The following CPS1 variants were observed in gnomAD, a reference collection of about 807,000 sequenced individuals.
CPS1 encodes carbamoyl-phosphate synthase [ammonia], mitochondrial.
Under a neutral mutation model 174.6 loss-of-function variants are expected in CPS1, and 109 were observed. The ratio of observed to expected loss-of-function variants is 0.62; its 90% CI spans 0.53 to 0.73. CPS1 has a LOEUF of 0.73. CPS1 is among the 30% of genes least tolerant of loss of function. The pLI is 0.00. For synonymous variants in CPS1, 637 were observed against 632.0 expected, an observed-to-expected ratio of 1.01 and a Z score of -0.12; for missense variants, 1,689 against 1,821.9, an observed-to-expected ratio of 0.93 and a Z score of 1.33.
intron 9 of CPS1, among the ~76,000 whole-genome samples, chr2:210,591,291 T>C (rs1431046363): frequency 6.6e-6 from 1 of 151,996 alleles, no homozygotes; most frequent in African/African-American, 2.4e-5. Flanking sequence ...TTTCAGAACA[T>C]TGTAACATTT....
chr2:210,592,212 G>A (rs984886591), intron 10 of CPS1, among the ~76,000 whole-genome samples: 5 of 152,040 alleles, frequency 3.3e-5, no homozygotes, highest in African/African-American at 1.2e-4. Flanking sequence ...TATTCACTCA[G>A]AATATTCACC....
intron 35 of CPS1, 122 bp downstream of exon 35, chr2:210,675,083 T>A: frequency 2.5e-6 from 2 of 792,700 alleles, no homozygotes; most frequent in Non-Finnish European, 4.4e-6. Flanking sequence ...AAGGTTTAAC[T>A]AACTTGGTAG....
At chr2:210,508,378 A>G (rs915734871) in intron 1 of CPS1, among the ~76,000 whole-genome samples, 90 of 151,754 alleles carry the variant, frequency 5.9e-4, no homozygotes, top group Non-Finnish European at 1.2e-3. Flanking sequence ...CATTCAAAGC[A>G]GTGTGTAGAG....
At chr2:210,676,925 A>G (rs2105945806) in intron 36 of CPS1, 82 bp from the exon 37 acceptor site, 1 of 1,410,070 alleles carries the variant, frequency 7.1e-7, no homozygotes, top group Non-Finnish European at 1.0e-6. Context: ...TTGAATGGCT[A>G]AGAGAGCAAT....
chr2:210,591,649 T>C (rs1698301511), intron 9 of CPS1, among the ~76,000 whole-genome samples, 182 bp from the exon 10 acceptor site: 1 of 152,070 alleles, frequency 6.6e-6, no homozygotes, highest in Non-Finnish European at 1.5e-5. Flanking sequence ...CCTGAATTGA[T>C]TTTTGTTGGG....
At chr2:210,624,497 A>G (rs768323202) in intron 21 of CPS1, among the ~76,000 whole-genome samples, 19 of 152,072 alleles carry the variant, frequency 1.2e-4, no homozygotes, top group Non-Finnish European at 2.6e-4. Flanking sequence ...GAGAAGAGTA[A>G]TACCATGGGA....
At chr2:210,656,441 C>T in intron 29 of CPS1, 84 bp from the exon 30 acceptor site, 3 of 934,368 alleles carry the variant, frequency 3.2e-6, no homozygotes, top group South Asian at 1.3e-5. Context: ...CTGTTAGGAC[C>T]AAAGGGGAGG....
At chr2:210,593,458 A>G (rs1698378960) in intron 11 of CPS1, 3 of 994,648 alleles carry the variant, frequency 3.0e-6, no homozygotes, top group African/African-American at 1.7e-5. Flanking sequence ...ACGGCTTCAG[A>G]AAAGAACCAC....
intron 1 of CPS1, among the ~76,000 whole-genome samples, chr2:210,549,588 A>G (rs958198822): frequency 5.3e-5 from 8 of 152,050 alleles, no homozygotes; most frequent in Non-Finnish European, 8.8e-5. Context: ...TTCAGAACTT[A>G]TATTTCTATA....
At chr2:210,486,115 TAC>T (rs60740361) in intron 1 of CPS1, among the ~76,000 whole-genome samples, 2,856 of 135,614 alleles carry the variant, frequency 0.021, 48 homozygotes, top group African/African-American at 0.053. Flanking sequence ...CACACACACA[TAC>T]ACACACACAC....
At chr2:210,558,817 T>G (rs1697007054) in intron 1 of CPS1, among the ~76,000 whole-genome samples, 1 of 152,076 alleles carries the variant, frequency 6.6e-6, no homozygotes, top group African/African-American at 2.4e-5. Context: ...CAGTTCTAGC[T>G]CATGGTGACA....
intron 34 of CPS1, chr2:210,672,651 T>C (rs1701348943): frequency 6.6e-6 from 1 of 152,204 alleles, no homozygotes; most frequent in African/African-American, 2.4e-5. Flanking sequence ...TTTTACTTGT[T>C]TTTTTCTTTT....
At position 210,642,203 on chromosome 2, in the gene CPS1, C is replaced by T. The variant is rs1048922598; in HGVS notation, c.2960-281C>T. Among the ~76,000 whole-genome samples, 7 of 152,190 alleles carry T rather than the reference C, an allele frequency of 4.6e-5. No individual in the cohort carries two copies. In the South Asian group the frequency reaches 1.2e-3, roughly 27 times the overall value. On this transcript the variant is annotated intron_variant, in intron 24 of 37. Coordinates refer to ENST00000233072, the MANE Select transcript of CPS1 (RefSeq NM_001875.5). ...TATCATTAAAATTACCTCCCATTAA[C>T]ATTGAAGTTCTAAATACTTCAAATA...
chr2:210,515,989 A>G (rs889755832), intron 1 of CPS1, among the ~76,000 whole-genome samples: 2 of 151,732 alleles, frequency 1.3e-5, no homozygotes, highest in Non-Finnish European at 2.9e-5. Flanking sequence ...GCAGGGTGTT[A>G]TTAATTTCAT....
chr2:210,567,039 A>G (rs1447416763), intron 1 of CPS1, among the ~76,000 whole-genome samples: 2 of 152,172 alleles, frequency 1.3e-5, no homozygotes, highest in African/African-American at 2.4e-5. Flanking sequence ...AGATAATTAT[A>G]TATGCAACCC....
chr2:210,581,856 A>G (rs1574550464), intron 5 of CPS1, among the ~76,000 whole-genome samples: 1 of 152,174 alleles, frequency 6.6e-6, no homozygotes, highest in Non-Finnish European at 1.5e-5. Context: ...TCATCAGAGA[A>G]GGGCATATCA....
At chr2:210,625,137 G>C (rs1266221174) in intron 21 of CPS1, among the ~76,000 whole-genome samples, 2 of 151,648 alleles carry the variant, frequency 1.3e-5, no homozygotes, top group Non-Finnish European at 2.9e-5. Flanking sequence ...GTAAGGTTTT[G>C]TGCTAGTTCC....
rs150601728 is a variant in CPS1 at position 210,642,581 on chromosome 2, T to C, written c.3057T>C (p.Thr1019=). ...TGGTGGTGAATTGCAATCCTGAGAC[T>C]GTGAGCACAGACTTTGATGAGTGTG... ...KTVVVNCNPE[T]VSTDFDECDK... Residue 1019 remains threonine, a synonymous_variant, in exon 25 of 38, where the codon ACT becomes ACC. Transcript: ENST00000233072. 1.6e-4 allele frequency: 257 copies of C among 1,613,994 alleles called. No individual in the cohort carries two copies. Among genetic ancestry groups the C allele is most frequent in the Non-Finnish European group, 2.1e-4 (245 of 1,179,992 alleles).
In CPS1 at chr2:210,571,855, T is replaced by TTGTGTG. The variant is rs71043997; in HGVS notation, c.127-1393_127-1388dup. Among the ~76,000 whole-genome samples, 374 of 139,678 alleles carry TTGTGTG rather than the reference T, an allele frequency of 2.7e-3. 4 individuals carry two copies. The highest frequency in any genetic ancestry group is 7.0e-3 in the East Asian group (32 of 4,580). 91.6% of individuals were successfully genotyped at this position (139,678 alleles called of 152,430 possible). A position where few individuals can be genotyped will look rare whatever the true frequency, so the allele number is the denominator to read the frequency against. The stretch of plus-strand genomic sequence containing the variant: ...TGGAGTTCCTGCTGCCTACTAAAGT[T>TTGTGTG]TGTGTGTGTGTGTGTGTGTGTGTGT... On this transcript the variant is annotated intron_variant, in intron 1 of 37. Transcript: ENST00000233072.
Sources: allele counts gnomAD v4.1 joint callset (sites outside exome capture counted in the v4.1 genomes callset), GRCh38; gene constraint gnomAD v4.1.1; transcripts MANE v1.5; gene names NCBI Gene and HGNC (gene_info 2026-07-23, HGNC 2026-07-21).